B3GALT1: variants seen among roughly 807,000 people sequenced by gnomAD.
The protein encoded by B3GALT1 is UDP-Gal:betaGlcNAc beta 1,3-galactosyltransferase, polypeptide 1.
B3GALT1 carries 10 observed loss-of-function variants against 23.2 expected under a neutral mutation model. That is an observed-to-expected ratio of 0.43 (90% CI 0.27 to 0.73). The LOEUF is 0.73. B3GALT1 is among the 30% of genes least tolerant of loss of function. The probability of loss-of-function intolerance (pLI) is 0.21; values close to 1 mark genes in which losing one functional copy is unlikely to be tolerated. For missense variants in B3GALT1, 299 were observed against 405.4 expected (o/e 0.74, Z 2.25); for synonymous variants, 156 against 141.5 (o/e 1.10, Z -0.73).
At chr2:167,367,022 A>T (rs1389475216) in intron 1 of B3GALT1, among the ~76,000 whole-genome samples, 1 of 152,180 alleles carries the variant, frequency 6.6e-6, no homozygotes, top group Non-Finnish European at 1.5e-5. Context: ...TCCAAACCCA[A>T]GTGGGGAAGA....
chr2:167,593,116 G>A (rs922430708), intron 2 of B3GALT1, among the ~76,000 whole-genome samples: 8 of 152,148 alleles, frequency 5.3e-5, no homozygotes, highest in African/African-American at 1.9e-4. Context: ...ATTTCCTCTT[G>A]TAGGTTATCT....
intron 1 of B3GALT1, among the ~76,000 whole-genome samples, chr2:167,483,050 T>C (rs1392953344): frequency 6.6e-6 from 1 of 152,068 alleles, no homozygotes; most frequent in Non-Finnish European, 1.5e-5. Context: ...TCCCAGCACT[T>C]TGGGAGGTGG....
intron 3 of B3GALT1, among the ~76,000 whole-genome samples, chr2:167,693,273 CAAAA>C (rs1170161024): frequency 6.6e-6 from 1 of 151,690 alleles, no homozygotes; most frequent in Non-Finnish European, 1.5e-5. Flanking sequence ...GAGATAGAAA[CAAAA>C]AAAGAGATGT....
At chr2:167,854,196 A>G (rs1574302761) in intron 4 of B3GALT1, among the ~76,000 whole-genome samples, 1 of 152,186 alleles carries the variant, frequency 6.6e-6, no homozygotes, top group Non-Finnish European at 1.5e-5. Flanking sequence ...CAGCCTGTAA[A>G]TTAGATTATC....
At chr2:167,636,179 C>G (rs951972894) in intron 2 of B3GALT1, among the ~76,000 whole-genome samples, 5 of 151,924 alleles carry the variant, frequency 3.3e-5, no homozygotes, top group African/African-American at 1.2e-4. Flanking sequence ...GATTAAGACT[C>G]TCAGAGCAAT....
intron 3 of B3GALT1, among the ~76,000 whole-genome samples, chr2:167,786,670 G>A (rs1688349401): frequency 6.6e-6 from 1 of 152,170 alleles, no homozygotes; most frequent in Non-Finnish European, 1.5e-5. Context: ...AAACATCAAG[G>A]ATGTACTGTT....
intron 1 of B3GALT1, among the ~76,000 whole-genome samples, chr2:167,458,833 A>T (rs1234445922): frequency 6.6e-6 from 1 of 152,098 alleles, no homozygotes; most frequent in Non-Finnish European, 1.5e-5. Context: ...AGTATATAGA[A>T]ATGCAACTAA....
intron 1 of B3GALT1, among the ~76,000 whole-genome samples, chr2:167,337,050 G>A (rs926241987): frequency 6.6e-6 from 1 of 152,252 alleles, no homozygotes; most frequent in East Asian, 1.9e-4. Context: ...CATGGAGGGG[G>A]TCAGGGTGTG....
At chr2:167,770,740 T>G (rs1018194925) in intron 3 of B3GALT1, among the ~76,000 whole-genome samples, 2 of 152,222 alleles carry the variant, frequency 1.3e-5, no homozygotes, top group Admixed American at 1.3e-4. Flanking sequence ...CTAAAAGGTT[T>G]ATAGTTTTTC....
intron 2 of B3GALT1, among the ~76,000 whole-genome samples, chr2:167,599,713 T>G (rs751234651): frequency 1.5e-4 from 23 of 152,218 alleles, no homozygotes; most frequent in Non-Finnish European, 2.5e-4. Flanking sequence ...TAGATAAACA[T>G]AAACTAAATT....
chr2:167,762,725 G>GA (rs1400818342), intron 3 of B3GALT1, among the ~76,000 whole-genome samples: 2 of 152,136 alleles, frequency 1.3e-5, no homozygotes, highest in Non-Finnish European at 2.9e-5. Context: ...CCTTTCTGGA[G>GA]AAAAAACTCC....
chr2:167,474,022 A>G (rs1458005369), intron 1 of B3GALT1, among the ~76,000 whole-genome samples: 1 of 152,232 alleles, frequency 6.6e-6, no homozygotes, highest in Non-Finnish European at 1.5e-5. Flanking sequence ...TGGCAGAGGC[A>G]TAAATACATG....
At chr2:167,531,226 T>C (rs1487327385) in intron 2 of B3GALT1, among the ~76,000 whole-genome samples, 1 of 152,234 alleles carries the variant, frequency 6.6e-6, no homozygotes, top group Middle Eastern at 3.4e-3. Flanking sequence ...AAATAATAGC[T>C]CTTCTGTTTG....
At chr2:167,563,166 A>G (rs758723480) in intron 2 of B3GALT1, among the ~76,000 whole-genome samples, 32 of 151,286 alleles carry the variant, frequency 2.1e-4, no homozygotes, top group Non-Finnish European at 3.2e-4. Context: ...GCCGCTGGGC[A>G]CACCTCCCAG....
At chr2:167,796,138 G>A (rs540329068) in intron 3 of B3GALT1, among the ~76,000 whole-genome samples, 6 of 152,218 alleles carry the variant, frequency 3.9e-5, no homozygotes, top group South Asian at 4.1e-4. Context: ...TGAGAAACAC[G>A]TTTATTACTT....
At chr2:167,411,561 C>A (rs965672050) in intron 1 of B3GALT1, among the ~76,000 whole-genome samples, 1 of 152,080 alleles carries the variant, frequency 6.6e-6, no homozygotes, top group Non-Finnish European at 1.5e-5. Context: ...AATAGACAGG[C>A]AATGACATCT....
At chr2:167,583,093 CCT>C (rs1285583758) in intron 2 of B3GALT1, among the ~76,000 whole-genome samples, 4 of 152,180 alleles carry the variant, frequency 2.6e-5, no homozygotes, top group African/African-American at 7.2e-5. Context: ...GACAAGAACT[CCT>C]CTGCTCTCAG....
intron 4 of B3GALT1, among the ~76,000 whole-genome samples, chr2:167,833,992 T>C (rs1016996582): frequency 2.0e-5 from 3 of 152,170 alleles, no homozygotes; most frequent in Admixed American, 2.0e-4. Context: ...ACAAGCTCAA[T>C]GTTGTTGGAT....
chr2:167,563,409 G>A (rs1267179033), intron 2 of B3GALT1, among the ~76,000 whole-genome samples: 2 of 133,242 alleles, frequency 1.5e-5, no homozygotes, highest in African/African-American at 2.9e-5. Flanking sequence ...CGGGCGGGGG[G>A]CTGACCCCTC....
Sources: allele counts gnomAD v4.1 joint callset (sites outside exome capture counted in the v4.1 genomes callset), GRCh38; gene constraint gnomAD v4.1.1; transcripts MANE v1.5; gene names NCBI Gene and HGNC (gene_info 2026-07-23, HGNC 2026-07-21).